The following EFCAB8 variants were observed in gnomAD, a reference collection of about 807,000 sequenced individuals.
The protein encoded by EFCAB8 is EF-hand calcium binding domain 8.
A neutral mutation model predicts 116.3 loss-of-function variants in EFCAB8; 100 were observed. The observed-to-expected ratio is 0.86, with a 90% CI of 0.73 to 1.02. The LOEUF (loss-of-function observed/expected upper bound fraction) is 1.02. Ranked by LOEUF, EFCAB8 falls within the 50% of genes least tolerant of loss-of-function variation. The probability of loss-of-function intolerance (pLI) is 0.00; values close to 1 mark genes in which losing one functional copy is unlikely to be tolerated. For synonymous variants in EFCAB8, 558 were observed against 567.9 expected (o/e 0.98, Z 0.25); for missense variants, 1,320 against 1,416.9 (o/e 0.93, Z 1.10).
intron 2 of EFCAB8, among the ~76,000 whole-genome samples, chr20:32,864,737 A>G (rs1159826152): frequency 3.3e-5 from 5 of 152,216 alleles, no homozygotes; most frequent in African/African-American, 1.2e-4. Context: ...CAAGCCAGGT[A>G]TGTATCAATT....
rs1403063029 is a variant in EFCAB8 at position 32,921,454 on chromosome 20, G to C, written c.2412+1239G>C. On this transcript the variant is annotated intron_variant, in intron 20 of 26. Transcript: ENST00000400522. ...TGGTCTCGAACTCCTGGGCTCAAGT[G>C]ATCCTCCTGGCTCAGCCTCCCAAAG... is the stretch of plus-strand genomic sequence containing the variant. 4.6e-5 allele frequency among the ~76,000 whole-genome samples: 7 copies of C among 151,848 alleles called. No homozygotes were observed. In the East Asian group the frequency reaches 1.4e-3, roughly 29 times the overall value.
chr20:32,912,680 T>C (rs1986997404), intron 16 of EFCAB8, 114 bp from the exon 17 acceptor site: 2 of 695,514 alleles, frequency 2.9e-6, no homozygotes, highest in African/African-American at 1.8e-5. Flanking sequence ...CTGTAGGTGA[T>C]TTTCGTCATC....
intron 3 of EFCAB8, among the ~76,000 whole-genome samples, chr20:32,873,265 C>T (rs949542488): frequency 1.3e-5 from 2 of 151,948 alleles, no homozygotes; most frequent in African/African-American, 2.4e-5. Flanking sequence ...TGGAAGGAGC[C>T]CCCTGAACTC....
At position 32,911,604 on chromosome 20, in the gene EFCAB8, C is replaced by T; in HGVS notation, c.1682C>T (p.Ser561Leu). Residue 561 changes from serine (S) to leucine (L), a missense_variant, in exon 16 of 27, where the codon TCA (serine) becomes TTA (leucine). Coordinates refer to ENST00000400522, the MANE Select transcript of EFCAB8 (RefSeq NM_001143967.2). The stretch of plus-strand genomic sequence containing the variant: ...ATGACCGCCATGGCCCTGGATGAGT[C>T]AGAGCGGTGCCTGCTCACAGGTTTG... ...VEMTAMALDE[S>L]ERCLLTGLRD... 1 of 1,551,448 alleles carries T rather than the reference C, an allele frequency of 6.4e-7. No individual in the cohort carries two copies. Among genetic ancestry groups the T allele is most frequent in the Non-Finnish European group, 8.7e-7 (1 of 1,146,854 alleles).
chr20:32,911,847 C>T (rs1201198143), intron 16 of EFCAB8, 140 bp downstream of exon 16: 1 of 790,036 alleles, frequency 1.3e-6, no homozygotes, highest in African/African-American at 1.7e-5. Flanking sequence ...TTCAAACCTC[C>T]CTGAGCCTCT....
At chr20:32,873,185 C>T (rs985793008) in intron 3 of EFCAB8, among the ~76,000 whole-genome samples, 1 of 152,070 alleles carries the variant, frequency 6.6e-6, no homozygotes, top group South Asian at 2.1e-4. Flanking sequence ...CTGATAATGT[C>T]AGCAAGAACC....
chr20:32,870,258 A>C (rs1222348795), intron 3 of EFCAB8, among the ~76,000 whole-genome samples: 1 of 152,184 alleles, frequency 6.6e-6, no homozygotes, highest in Non-Finnish European at 1.5e-5. Flanking sequence ...AGGAAGTGCC[A>C]CCACTGTGTC....
At chr20:32,945,125 A>G (rs994348512) in intron 23 of EFCAB8, among the ~76,000 whole-genome samples, 20 of 151,828 alleles carry the variant, frequency 1.3e-4, no homozygotes, top group African/African-American at 4.6e-4. Flanking sequence ...TTTACTCTTC[A>G]TCTTCAGCTC....
intron 10 of EFCAB8, among the ~76,000 whole-genome samples, chr20:32,897,174 C>T (rs1055965903): frequency 4.6e-5 from 7 of 152,156 alleles, no homozygotes; most frequent in African/African-American, 1.7e-4. Context: ...CCTCCTAGGA[C>T]AACCCTGTGC....
intron 21 of EFCAB8, 144 bp downstream of exon 21, chr20:32,930,760 C>T: frequency 1.2e-6 from 1 of 803,426 alleles, no homozygotes. Context: ...GAGTCCTCTC[C>T]TGCTCTGCTA....
chr20:32,860,449 GGTGT>G lies in EFCAB8; in HGVS notation c.-11+1447_-11+1450del, dbSNP rs761569995. 1.2e-3 allele frequency among the ~76,000 whole-genome samples: 184 copies of G among 150,754 alleles called. 1 individual carries two copies. The highest frequency in any genetic ancestry group is 2.4e-3 in the Non-Finnish European group (164 of 67,896). On this transcript the variant is annotated intron_variant, in intron 1 of 26. Coordinates refer to ENST00000400522, the MANE Select transcript of EFCAB8 (RefSeq NM_001143967.2). ...GTGCCCTGCATGTATCGGATCAGGA[GGTGT>G]GTGATGGATGTCATTTTGTTCCATC...
At chr20:32,955,446 A>G (rs1988935799) in intron 23 of EFCAB8, among the ~76,000 whole-genome samples, 1 of 152,214 alleles carries the variant, frequency 6.6e-6, no homozygotes, top group Non-Finnish European at 1.5e-5. Flanking sequence ...AGGCTGAGGC[A>G]GGAGGATCGC....
intron 20 of EFCAB8, among the ~76,000 whole-genome samples, chr20:32,923,813 G>A (rs758257977): frequency 3.9e-5 from 6 of 152,062 alleles, no homozygotes; most frequent in Non-Finnish European, 1.5e-5. Flanking sequence ...CATGTCCTGG[G>A]TACACTGCAC....
intron 4 of EFCAB8, among the ~76,000 whole-genome samples, chr20:32,878,291 T>C (rs1007544336): frequency 8.0e-5 from 12 of 149,960 alleles, no homozygotes; most frequent in South Asian, 2.1e-4. Flanking sequence ...AGGCCGGGTG[T>C]GGTGGCTCAT....
chr20:32,887,375 A>C (rs954531054), intron 6 of EFCAB8, among the ~76,000 whole-genome samples: 2 of 152,286 alleles, frequency 1.3e-5, no homozygotes, highest in Middle Eastern at 6.8e-3. Context: ...CAGGAGTTTG[A>C]GACCAGACTG....
At chr20:32,897,316 G>C (rs1319011489) in intron 10 of EFCAB8, among the ~76,000 whole-genome samples, 1 of 152,096 alleles carries the variant, frequency 6.6e-6, no homozygotes, top group Admixed American at 6.5e-5. Context: ...TCGTGCTCTC[G>C]GTTGTCTCCA....
In EFCAB8 at chr20:32,918,397, C is replaced by T; in HGVS notation, c.2097C>T (p.His699=). ...TGAACAACTGCCTGGCTGAGAGCCACAGGCCCAGCAGACCCTATGTGGAGC... is the reference window on the plus strand; with the variant it reads ...TGAACAACTGCCTGGCTGAGAGCCATAGGCCCAGCAGACCCTATGTGGAGC... ...QDVNNCLAES[H]RPSRPYVERE... is the part of the protein sequence containing the mutation. Residue 699 remains histidine, a synonymous_variant, in exon 19 of 27, where the codon CAC becomes CAT. Transcript: ENST00000400522. 1.3e-6 allele frequency: 2 copies of T among 1,551,766 alleles called. No homozygotes were observed. The highest frequency in any genetic ancestry group is 1.7e-6 in the Non-Finnish European group (2 of 1,147,002).
chr20:32,954,131 G>A (rs1426503476), intron 23 of EFCAB8, among the ~76,000 whole-genome samples: 3 of 152,046 alleles, frequency 2.0e-5, no homozygotes, highest in East Asian at 1.9e-4. Context: ...ATACACAGAG[G>A]TTTTCAAGTT....
Position 32,959,900 on chromosome 20 carries a change from C to A in EFCAB8, c.3212C>A (p.Ala1071Asp), listed in dbSNP as rs1411746018. Reference protein sequence around the residue: ...ADTWAKLQKMALMSPWAGERP... With the variant: ...ADTWAKLQKMDLMSPWAGERP... ...ACTTGGGCCAAGCTGCAGAAGATGG[C>A]CCTGATGTCCCCGTGGGCCGGAGAG... Residue 1071 changes from alanine to aspartate, a missense_variant, in exon 25 of 27, where the codon GCC (alanine) becomes GAC (aspartate). Physicochemically the swap from Ala to Asp is moderately radical, Grantham distance 126. Transcript: ENST00000400522. 1 of 1,551,644 alleles carries A rather than the reference C, an allele frequency of 6.4e-7. No individual in the cohort carries two copies. Among genetic ancestry groups the A allele is most frequent in the Non-Finnish European group, 8.7e-7 (1 of 1,146,964 alleles).
Sources: gnomAD v4.1 joint callset for allele counts (sites outside exome capture counted in the v4.1 genomes callset) on GRCh38, gnomAD v4.1.1 for gene constraint, MANE v1.5 for transcripts, NCBI Gene and HGNC (gene_info 2026-07-23, HGNC 2026-07-21) for gene names.